CHD9: variants seen among roughly 807,000 people sequenced by gnomAD.
CHD9 encodes ATP-dependent chromatin remodeler CHD9.
A neutral mutation model predicts 316.1 loss-of-function variants in CHD9; 77 were observed. That is an observed-to-expected ratio of 0.24 (90% confidence interval 0.20 to 0.29). The LOEUF (loss-of-function observed/expected upper bound fraction) is 0.29, where lower values mean the gene tolerates loss of function less well. Among genes scored for constraint, CHD9 ranks in the 10% least tolerant of loss-of-function variants. The pLI is 1.00. For missense variants in CHD9, 2,763 were observed against 3,438.1 expected, an observed-to-expected ratio of 0.80 and a Z score of 4.91; for synonymous variants, 1,129 against 1,158.3, an observed-to-expected ratio of 0.97 and a Z score of 0.51.
intron 1 of CHD9, among the ~76,000 whole-genome samples, chr16:53,107,384 C>T (rs1288322183): frequency 6.6e-5 from 10 of 151,378 alleles, no homozygotes; most frequent in East Asian, 3.9e-4. Flanking sequence ...TGCTTGAACC[C>T]GGGAGGTGGA....
At chr16:53,232,285 T>C (rs1056771786) in intron 10 of CHD9, among the ~76,000 whole-genome samples, 1 of 152,120 alleles carries the variant, frequency 6.6e-6, no homozygotes, top group African/African-American at 2.4e-5. Context: ...AAGATTTTCT[T>C]TTGGGGTGGG....
At chr16:53,268,252 A>G (rs769620427) in intron 22 of CHD9, 126 bp downstream of exon 22, 66 of 678,942 alleles carry the variant, frequency 9.7e-5, no homozygotes, top group Non-Finnish European at 1.4e-4. Flanking sequence ...TTCACTCCCA[A>G]TTCAAGTTCC....
rs748213329 is a variant in CHD9 at position 53,287,957 on chromosome 16, G to A, written c.5190G>A (p.Gly1730=). 1 of 1,605,340 alleles carries A rather than the reference G, an allele frequency of 6.2e-7. No individual in the cohort carries two copies. Among genetic ancestry groups the A allele is most frequent in the Admixed American group, 1.7e-5 (1 of 60,022 alleles). The change falls in exon 27 of 39, where the codon GGG becomes GGA. Residue 1730 remains glycine, a splice_region_variant and synonymous_variant. Coordinates refer to ENST00000447540, the MANE Select transcript of CHD9 (RefSeq NM_001308319.2). ...AEQRANDYMD[G]DVEDPEYKPA... ...ATAGCATTTGTTTGTATTTTAACAG[G>A]GATGTGGAAGATCCAGAATACAAAC...
At chr16:53,310,298 T>C (rs1379931473) in intron 34 of CHD9, among the ~76,000 whole-genome samples, 1 of 152,286 alleles carries the variant, frequency 6.6e-6, no homozygotes, top group South Asian at 2.1e-4. Flanking sequence ...TACCTTACAA[T>C]TAACAATTTT....
intron 1 of CHD9, among the ~76,000 whole-genome samples, chr16:53,072,787 C>T (rs1238281667): frequency 4.6e-5 from 7 of 151,976 alleles, no homozygotes; most frequent in African/African-American, 7.3e-5. Context: ...CTCCACCTCC[C>T]GGGTTCAAGC....
intron 2 of CHD9, among the ~76,000 whole-genome samples, chr16:53,186,785 A>T (rs2044049530): frequency 6.6e-6 from 1 of 152,108 alleles, no homozygotes; most frequent in South Asian, 2.1e-4. Context: ...TTATAAGAGG[A>T]TTCCCCCTTT....
chr16:53,105,523 A>T (rs61416639), intron 1 of CHD9, among the ~76,000 whole-genome samples: 1,699 of 152,290 alleles, frequency 0.011, 35 homozygotes, highest in African/African-American at 0.038. Flanking sequence ...TTGGTCAACC[A>T]GTTCCCTAAG....
chr16:53,274,106 T>G (rs570834120), intron 23 of CHD9, 107 bp from the exon 24 acceptor site: 1 of 738,892 alleles, frequency 1.4e-6, no homozygotes, highest in Admixed American at 2.3e-5. Context: ...TAATATTTCA[T>G]TATTTTAAAA....
chr16:53,320,427 C>T (rs2057194831), intron 37 of CHD9, among the ~76,000 whole-genome samples: 1 of 152,038 alleles, frequency 6.6e-6, no homozygotes, highest in African/African-American at 2.4e-5. Context: ...GAGGCTGAGG[C>T]AGGAGAATCG....
chr16:53,161,562 G>T (rs2041915709), intron 2 of CHD9, among the ~76,000 whole-genome samples: 1 of 152,046 alleles, frequency 6.6e-6, no homozygotes. Flanking sequence ...AAAGTTAACA[G>T]ATTTAAACAT....
Position 53,292,993 on chromosome 16 carries a change from T to C in CHD9, c.5451T>C (p.Pro1817=). 1.2e-6 allele frequency: 2 copies of C among 1,613,878 alleles called. No homozygotes were observed. Among genetic ancestry groups the C allele is most frequent in the Non-Finnish European group, 1.7e-6 (2 of 1,179,868 alleles). ...CGGTGCCTACCAGTGTAATGCAGCCTATTTATGAGGAAGCCACTCTTAATC... is the reference window on the plus strand; with the variant it reads ...CGGTGCCTACCAGTGTAATGCAGCCCATTTATGAGGAAGCCACTCTTAATC... ...TFSVPTSVMQ[P]IYEEATLNPK... The change falls in exon 29 of 39, where the codon CCT becomes CCC. Residue 1817 remains proline, a synonymous_variant. Coordinates refer to ENST00000447540, the MANE Select transcript of CHD9 (RefSeq NM_001308319.2).
chr16:53,081,916 T>C (rs2035051542), intron 1 of CHD9, among the ~76,000 whole-genome samples: 2 of 152,122 alleles, frequency 1.3e-5, no homozygotes, highest in Admixed American at 6.5e-5. Context: ...GCCTCAGTTT[T>C]CTCCTCTATA....
At chr16:53,268,591 A>G (rs777326451) in intron 22 of CHD9, among the ~76,000 whole-genome samples, 2 of 152,086 alleles carry the variant, frequency 1.3e-5, no homozygotes, top group Non-Finnish European at 2.9e-5. Flanking sequence ...TGGAATTATT[A>G]AAGTATAGCT....
intron 17 of CHD9, among the ~76,000 whole-genome samples, chr16:53,251,752 T>A (rs2050146249): frequency 6.6e-6 from 1 of 152,202 alleles, no homozygotes; most frequent in African/African-American, 2.4e-5. Flanking sequence ...TATGAAGCCC[T>A]TATGTGATCT....
intron 15 of CHD9, among the ~76,000 whole-genome samples, chr16:53,246,270 A>G (rs1597620648): frequency 6.6e-6 from 1 of 152,014 alleles, no homozygotes; most frequent in African/African-American, 2.4e-5. Flanking sequence ...TCTCTGTACA[A>G]TGTTTGGGTT....
At position 53,297,104 on chromosome 16, in the gene CHD9, T is replaced by C. The variant is rs1333569829; in HGVS notation, c.5659T>C (p.Leu1887=). The C allele has an allele frequency of 1.9e-6, 3 of 1,613,896 alleles. No homozygotes were observed. Among genetic ancestry groups the C allele is most frequent in the Non-Finnish European group, 2.5e-6 (3 of 1,179,842 alleles). ...KKTDDSLEKY[L]YAFMSMCRRV... is the part of the protein sequence containing the mutation. ...AACTGATGATAGTTTGGAAAAATATTTGTACGCATTCATGTCCATGTGTCG... is the reference window on the plus strand; with the variant it reads ...AACTGATGATAGTTTGGAAAAATATCTGTACGCATTCATGTCCATGTGTCG... The change falls in exon 30 of 39, where the codon TTG becomes CTG. Residue 1887 remains leucine (L), a synonymous_variant. Coordinates refer to ENST00000447540, the MANE Select transcript of CHD9 (RefSeq NM_001308319.2).
At chr16:53,131,678 C>T (rs1298583203) in intron 1 of CHD9, among the ~76,000 whole-genome samples, 4 of 152,046 alleles carry the variant, frequency 2.6e-5, no homozygotes, top group Non-Finnish European at 5.9e-5. Flanking sequence ...TGGGTTCCCT[C>T]CCGACGGTCG....
intron 1 of CHD9, among the ~76,000 whole-genome samples, chr16:53,097,975 CCAGG>C: frequency 6.6e-6 from 1 of 151,420 alleles, no homozygotes; most frequent in East Asian, 2.0e-4. Flanking sequence ...CAAAAATTAG[CCAGG>C]TGTGGTGGCA....
intron 1 of CHD9, among the ~76,000 whole-genome samples, chr16:53,152,155 A>G (rs2041175242): frequency 6.6e-6 from 1 of 152,098 alleles, no homozygotes; most frequent in African/African-American, 2.4e-5. Flanking sequence ...TCATTTAGAC[A>G]CTTTTCAAAC....
Sources: gnomAD v4.1 joint callset for allele counts (sites outside exome capture counted in the v4.1 genomes callset) on GRCh38, gnomAD v4.1.1 for gene constraint, MANE v1.5 for transcripts, NCBI Gene and HGNC (gene_info 2026-07-23, HGNC 2026-07-21) for gene names.